The following ITSN1 variants were observed in gnomAD, a reference collection of about 807,000 sequenced individuals.
The protein encoded by ITSN1 is intersectin 1.
A neutral mutation model predicts 239.8 loss-of-function variants in ITSN1; 58 were observed. The ratio of observed to expected loss-of-function variants is 0.24; its 90% confidence interval spans 0.20 to 0.30. The LOEUF (loss-of-function observed/expected upper bound fraction) is 0.30, where lower values mean the gene tolerates loss of function less well. Ranked by LOEUF, ITSN1 falls within the 10% of genes least tolerant of loss-of-function variation. The pLI is 1.00. For missense variants in ITSN1, 1,558 were observed against 2,103.3 expected (o/e 0.74, Z 5.07); for synonymous variants, 780 against 770.8 (o/e 1.01, Z -0.20).
chr21:33,707,498 G>A (rs189865699), intron 1 of ITSN1, among the ~76,000 whole-genome samples: 1 of 152,224 alleles, frequency 6.6e-6, no homozygotes, highest in African/African-American at 2.4e-5. Flanking sequence ...TCCCAAGAGA[G>A]CAAACACTTC....
At chr21:33,802,240 G>A (rs1416723699) in intron 19 of ITSN1, among the ~76,000 whole-genome samples, 190 bp from the exon 20 acceptor site, 2 of 152,190 alleles carry the variant, frequency 1.3e-5, no homozygotes, top group East Asian at 3.8e-4. Flanking sequence ...TAATGAGAAA[G>A]TGTTGCTCTT....
intron 1 of ITSN1, among the ~76,000 whole-genome samples, chr21:33,696,716 T>C (rs909955106): frequency 2.6e-5 from 4 of 152,242 alleles, no homozygotes; most frequent in Admixed American, 6.5e-5. Context: ...CCTACTTTCT[T>C]GCCCTTTTCG....
At chr21:33,718,961 C>T (rs895815548) in intron 2 of ITSN1, 105 bp downstream of exon 2, 2 of 870,470 alleles carry the variant, frequency 2.3e-6, no homozygotes, top group Non-Finnish European at 3.8e-6. Flanking sequence ...ATAATATAAT[C>T]AGCATTCATG....
rs372932772 is a variant in ITSN1, at chr21:33,888,351, G to A, written c.*51G>A. The A allele has an allele frequency of 2.4e-4, 367 of 1,533,312 alleles. 1 individual carries two copies. Among genetic ancestry groups the A allele is most frequent in the Non-Finnish European group, 2.8e-4 (322 of 1,132,714 alleles). 95.0% of individuals were successfully genotyped at this position (1,533,312 alleles called of 1,614,324 possible). A position where few individuals can be genotyped will look rare whatever the true frequency, so the allele number is the denominator to read the frequency against. On this transcript the variant is annotated 3_prime_UTR_variant, in exon 40 of 40. Coordinates refer to ENST00000381318, the MANE Select transcript of ITSN1 (RefSeq NM_003024.3). Reference sequence around the variant, plus strand: ...AGGGTCCCAGCCCACGGCCACACATGCTGTCTGGAAATTGTATTCCTTTTC... The same window carrying A: ...AGGGTCCCAGCCCACGGCCACACATACTGTCTGGAAATTGTATTCCTTTTC...
intron 1 of ITSN1, among the ~76,000 whole-genome samples, chr21:33,647,184 T>C (rs1477937373): frequency 6.6e-6 from 1 of 152,208 alleles, no homozygotes; most frequent in Non-Finnish European, 1.5e-5. Flanking sequence ...CTAATATTCT[T>C]TGTATTTAAA....
intron 22 of ITSN1, chr21:33,817,221 G>A: frequency 7.7e-7 from 1 of 1,294,872 alleles, no homozygotes; most frequent in Non-Finnish European, 1.0e-6. Flanking sequence ...GCCTCACCCT[G>A]CCTTTCCAGC....
intron 38 of ITSN1, among the ~76,000 whole-genome samples, chr21:33,885,907 T>C (rs1355326600): frequency 6.6e-6 from 1 of 152,080 alleles, no homozygotes; most frequent in African/African-American, 2.4e-5. Flanking sequence ...AGCATAGCAG[T>C]TATTAAGAGT....
intron 5 of ITSN1, among the ~76,000 whole-genome samples, chr21:33,741,626 C>T (rs143435155): frequency 0.027 from 4,057 of 152,200 alleles, 77 homozygotes; most frequent in Middle Eastern, 0.051. Flanking sequence ...GGCGCAGTGA[C>T]TCACGCCTGT....
intron 1 of ITSN1, among the ~76,000 whole-genome samples, chr21:33,655,834 C>T (rs367783031): frequency 2.6e-5 from 4 of 151,712 alleles, no homozygotes; most frequent in African/African-American, 4.8e-5. Context: ...CTTTCTGTGT[C>T]GTGGTGATGT....
chr21:33,796,650 C>T (rs553453656), intron 17 of ITSN1, among the ~76,000 whole-genome samples: 1 of 152,298 alleles, frequency 6.6e-6, no homozygotes, highest in Middle Eastern at 3.4e-3. Flanking sequence ...ATATCTCTGC[C>T]CCAGCTTCCT....
Position 33,892,276 on chromosome 21 carries a change from G to A in ITSN1, c.*3976G>A, listed in dbSNP as rs1352861946. 6.6e-6 allele frequency: 1 copy of A among 152,210 alleles called. No homozygotes were observed. The highest frequency in any genetic ancestry group is 6.5e-5 in the Admixed American group (1 of 15,286). 9.4% of individuals were successfully genotyped at this position (152,210 alleles called of 1,614,324 possible). A position where few individuals can be genotyped will look rare whatever the true frequency, so the allele number is the denominator to read the frequency against. On this transcript the variant is annotated 3_prime_UTR_variant, in exon 40 of 40. Transcript: ENST00000381318. The stretch of plus-strand genomic sequence containing the variant: ...GGTAGCATGATGAAGCCCTCAGACA[G>A]TATAGTCTGAGCCACCATAAGAGGC...
At chr21:33,884,166 T>C (rs537036598) in intron 36 of ITSN1, among the ~76,000 whole-genome samples, 1 of 152,290 alleles carries the variant, frequency 6.6e-6, no homozygotes, top group South Asian at 2.1e-4. Flanking sequence ...CCTCCCAGAA[T>C]GCCAGAATTC....
chr21:33,799,131 T>G (rs1293220841), intron 18 of ITSN1, among the ~76,000 whole-genome samples: 1 of 152,224 alleles, frequency 6.6e-6, no homozygotes, highest in Non-Finnish European at 1.5e-5. Flanking sequence ...TACTAGTTTT[T>G]GCTAACCAGA....
At chr21:33,670,023 C>T (rs2090168019) in intron 1 of ITSN1, among the ~76,000 whole-genome samples, 1 of 152,168 alleles carries the variant, frequency 6.6e-6, no homozygotes, top group Admixed American at 6.5e-5. Context: ...GTTTTGACCT[C>T]TCCATATCTT....
At chr21:33,699,718 C>CA (rs1054500678) in intron 1 of ITSN1, among the ~76,000 whole-genome samples, 3 of 152,056 alleles carry the variant, frequency 2.0e-5, no homozygotes, top group Non-Finnish European at 4.4e-5. Context: ...GGTCCTATCT[C>CA]AAAAAATTAT....
intron 1 of ITSN1, among the ~76,000 whole-genome samples, chr21:33,661,564 A>G (rs1251080155): frequency 1.3e-5 from 2 of 152,152 alleles, no homozygotes; most frequent in African/African-American, 2.4e-5. Flanking sequence ...AAATAAAATC[A>G]CAGTGAAAAG....
intron 39 of ITSN1, among the ~76,000 whole-genome samples, chr21:33,887,465 A>G (rs1264163436): frequency 6.6e-6 from 1 of 152,132 alleles, no homozygotes; most frequent in Non-Finnish European, 1.5e-5. Flanking sequence ...TTTTATATGA[A>G]TTATCTCATT....
At chr21:33,705,548 C>G (rs559538511) in intron 1 of ITSN1, among the ~76,000 whole-genome samples, 2 of 150,242 alleles carry the variant, frequency 1.3e-5, no homozygotes, top group African/African-American at 2.5e-5. Context: ...CCACCACACC[C>G]GGCTAATTTT....
chr21:33,829,684 CT>C lies in ITSN1; in HGVS notation c.3291del (p.Gly1098ValfsTer3). On this transcript the variant is annotated frameshift_variant, in exon 27 of 40. Coordinates refer to ENST00000381318, the MANE Select transcript of ITSN1 (RefSeq NM_003024.3). LOFTEE classifies it high-confidence loss of function. ...ATGPEQLTLA[P>X]GQLILIRKKN... ...GGCCCCGAGCAGCTCACTCTCGCCC[CT>C]GGTCAGCTGATTTTGATCCGAAAAA... 1 of 1,612,964 alleles carries C rather than the reference CT, an allele frequency of 6.2e-7. No individual in the cohort carries two copies. Among genetic ancestry groups the C allele is most frequent in the Non-Finnish European group, 8.5e-7 (1 of 1,179,922 alleles).
Sources: allele counts gnomAD v4.1 joint callset (sites outside exome capture counted in the v4.1 genomes callset), GRCh38; gene constraint gnomAD v4.1.1; transcripts MANE v1.5; gene names NCBI Gene and HGNC (gene_info 2026-07-23, HGNC 2026-07-21).